NLGN1: variants seen among roughly 807,000 people sequenced by gnomAD.
NLGN1 encodes neuroligin 1.
A neutral mutation model predicts 65.5 loss-of-function variants in NLGN1; 12 were observed. The observed-to-expected ratio is 0.18, with a 90% CI of 0.12 to 0.30. The LOEUF (loss-of-function observed/expected upper bound fraction) is 0.30, where lower values mean the gene tolerates loss of function less well. Among genes scored for constraint, NLGN1 ranks in the 10% least tolerant of loss-of-function variants. NLGN1 has a pLI of 1.00. For synonymous variants in NLGN1, 350 were observed against 359.5 expected (o/e 0.97, Z 0.30); for missense variants, 750 against 1,007.1 (o/e 0.74, Z 3.46).
rs185435308 is a variant in NLGN1, at chr3:173,573,055, A to G, written c.-320-31224A>G. On this transcript the variant is annotated intron_variant, in intron 2 of 6. Coordinates refer to ENST00000457714, the Ensembl canonical transcript of NLGN1. Reference sequence around the variant, plus strand: ...TTTTAGAAGAACCCCTCAACTGTCCATTCCATTTGTATTACTTCCGAACCC... The same window carrying G: ...TTTTAGAAGAACCCCTCAACTGTCCGTTCCATTTGTATTACTTCCGAACCC... 3.9e-5 allele frequency among the ~76,000 whole-genome samples: 6 copies of G among 152,258 alleles called. No homozygotes were observed. In the East Asian group the frequency reaches 1.2e-3, roughly 29 times the overall value.
Position 174,116,330 on chromosome 3 carries a change from C to CTTTTTTTTTTTTTTTTTTTTTTTTTTTTT in NLGN1, c.647-158958_647-158957insTTTTTTTTTTTTTTTTTTTTTTTTTTTTT, listed in dbSNP as rs1168837585. 1.0e-4 allele frequency among the ~76,000 whole-genome samples: 7 copies of CTTTTTTTTTTTTTTTTTTTTTTTTTTTTT among 69,634 alleles called. 3 individuals are homozygous for CTTTTTTTTTTTTTTTTTTTTTTTTTTTTT. The highest frequency in any genetic ancestry group is 1.1e-3 in the South Asian group (2 of 1,854). 45.7% of individuals were successfully genotyped at this position (69,634 alleles called of 152,430 possible). On this transcript the variant is annotated intron_variant, in intron 4 of 6. Transcript: ENST00000457714. ...ACATGTAAGTTTTTTTCTGGGTTTT[C>CTTTTTTTTTTTTTTTTTTTTTTTTTTTTT]TTTTTTTTTTTTTTTTTTTTTTTTT...
At chr3:173,845,625 T>G (rs1725617070) in intron 4 of NLGN1, among the ~76,000 whole-genome samples, 1 of 151,758 alleles carries the variant, frequency 6.6e-6, no homozygotes, top group East Asian at 1.9e-4. Context: ...GATAGATAGA[T>G]AGATAGATAG....
rs372640092 is a variant in NLGN1 at position 173,632,414 on chromosome 3, A to G, written c.493+27323A>G. 1.6e-4 allele frequency among the ~76,000 whole-genome samples: 24 copies of G among 152,286 alleles called. 1 individual carries two copies. Among genetic ancestry groups the G allele is most frequent in the Middle Eastern group, 3.4e-3 (1 of 294 alleles). ...GAAGTTCATCTTGCTTCCCTTTCAC[A>G]AATTTTGGTGCATCCAAATCTGTGG... is the stretch of plus-strand genomic sequence containing the variant. On this transcript the variant is annotated intron_variant, in intron 3 of 6. Transcript: ENST00000457714.
intron 4 of NLGN1, among the ~76,000 whole-genome samples, chr3:174,239,998 A>T (rs947100758): frequency 1.3e-5 from 2 of 152,216 alleles, no homozygotes; most frequent in Non-Finnish European, 2.9e-5. Flanking sequence ...TTAGAAATTG[A>T]CACTCTTTAT....
chr3:173,474,801 T>TA (rs1479856674), intron 2 of NLGN1, among the ~76,000 whole-genome samples: 1 of 151,870 alleles, frequency 6.6e-6, no homozygotes, highest in African/African-American at 2.4e-5. Flanking sequence ...CTACTAAAAA[T>TA]ACAAAAATTA....
At chr3:173,455,080 T>G (rs1722278957) in intron 2 of NLGN1, among the ~76,000 whole-genome samples, 1 of 152,184 alleles carries the variant, frequency 6.6e-6, no homozygotes, top group Non-Finnish European at 1.5e-5. Flanking sequence ...TGGCTGCAGT[T>G]CACAGCACTC....
At chr3:174,039,264 T>G (rs1263181047) in intron 4 of NLGN1, among the ~76,000 whole-genome samples, 1 of 152,044 alleles carries the variant, frequency 6.6e-6, no homozygotes, top group Non-Finnish European at 1.5e-5. Flanking sequence ...TTTTTAATCT[T>G]TTAAATTTTA....
chr3:174,148,725 TATA>T (rs1188123422), intron 4 of NLGN1, among the ~76,000 whole-genome samples: 4 of 152,334 alleles, frequency 2.6e-5, no homozygotes, highest in South Asian at 2.1e-4. Flanking sequence ...ATTAAGGCTC[TATA>T]ATAACTATTT....
At chr3:174,187,422 G>A (rs1437930623) in intron 4 of NLGN1, among the ~76,000 whole-genome samples, 8 of 152,014 alleles carry the variant, frequency 5.3e-5, no homozygotes, top group Admixed American at 2.0e-4. Context: ...GACCAAGCAT[G>A]TCAATACCTT....
At chr3:174,031,867 AG>A (rs1021028219) in intron 4 of NLGN1, among the ~76,000 whole-genome samples, 1 of 152,088 alleles carries the variant, frequency 6.6e-6, no homozygotes, top group African/African-American at 2.4e-5. Context: ...AGTCTACACA[AG>A]GCCTACATTG....
At chr3:174,121,810 C>T (rs1030042931) in intron 4 of NLGN1, among the ~76,000 whole-genome samples, 9 of 152,106 alleles carry the variant, frequency 5.9e-5, no homozygotes, top group African/African-American at 2.2e-4. Flanking sequence ...TTTATGGGGA[C>T]AAAATCGTAA....
At chr3:173,944,622 A>C (rs1330520122) in intron 4 of NLGN1, among the ~76,000 whole-genome samples, 2 of 152,182 alleles carry the variant, frequency 1.3e-5, no homozygotes, top group East Asian at 3.9e-4. Context: ...ATTCCAATCA[A>C]GTCTCTTAAT....
intron 4 of NLGN1, among the ~76,000 whole-genome samples, chr3:173,854,173 C>T (rs989086745): frequency 6.6e-6 from 1 of 151,922 alleles, no homozygotes; most frequent in South Asian, 2.1e-4. Context: ...AAAACTTTAT[C>T]CATAATTCAA....
chr3:173,704,024 C>T (rs371223656), intron 3 of NLGN1, among the ~76,000 whole-genome samples: 2 of 152,164 alleles, frequency 1.3e-5, no homozygotes, highest in African/African-American at 4.8e-5. Flanking sequence ...GAGGCTGTGG[C>T]GGAACTGTTC....
chr3:174,132,744 T>C (rs1720446947), intron 4 of NLGN1, among the ~76,000 whole-genome samples: 2 of 152,206 alleles, frequency 1.3e-5, no homozygotes, highest in South Asian at 4.1e-4. Context: ...AACAAGGACA[T>C]TCAATCCAAC....
intron 4 of NLGN1, among the ~76,000 whole-genome samples, chr3:174,174,267 TTGTGCTGCTAAAAACA>T (rs979902795): frequency 2.0e-5 from 3 of 152,064 alleles, no homozygotes; most frequent in African/African-American, 7.2e-5. Flanking sequence ...GCAAGTGTAA[TTGTGCTGCTAAAAACA>T]TGTGTGTTCA....
At chr3:173,741,531 C>G (rs1029366721) in intron 3 of NLGN1, among the ~76,000 whole-genome samples, 4 of 152,028 alleles carry the variant, frequency 2.6e-5, no homozygotes, top group Non-Finnish European at 5.9e-5. Flanking sequence ...CTCACTATGT[C>G]ACTCAGGTTG....
At chr3:174,127,055 A>G (rs1719098939) in intron 4 of NLGN1, among the ~76,000 whole-genome samples, 1 of 151,722 alleles carries the variant, frequency 6.6e-6, no homozygotes, top group Non-Finnish European at 1.5e-5. Context: ...TGGGGATAAT[A>G]TGATTTTATA....
At chr3:174,154,980 T>TAAGATAATATATAATTATATATAA in intron 4 of NLGN1, among the ~76,000 whole-genome samples, 1 of 122,272 alleles carries the variant, frequency 8.2e-6, no homozygotes, top group East Asian at 2.4e-4. Flanking sequence ...ATATAATATA[T>TAAGATAATATATAATTATATATAA]TATATTATAT....
Sources: gnomAD v4.1 joint callset for allele counts (sites outside exome capture counted in the v4.1 genomes callset) on GRCh38, gnomAD v4.1.1 for gene constraint, MANE v1.5 for transcripts, NCBI Gene and HGNC (gene_info 2026-07-23, HGNC 2026-07-21) for gene names.